Variants in PRKAR2A observed in about 807,000 individuals in gnomAD.
PRKAR2A encodes the protein cAMP-dependent protein kinase type II-alpha regulatory subunit.
A neutral mutation model predicts 51.9 loss-of-function variants in PRKAR2A; 29 were observed. The observed-to-expected ratio is 0.56, with a 90% CI of 0.42 to 0.76. The LOEUF (loss-of-function observed/expected upper bound fraction) is 0.76. PRKAR2A is among the 30% of genes least tolerant of loss of function. The probability of loss-of-function intolerance (pLI) is 0.00; values close to 1 mark genes in which losing one functional copy is unlikely to be tolerated. For missense variants in PRKAR2A, 445 were observed against 512.1 expected, an observed-to-expected ratio of 0.87 and a Z score of 1.26; for synonymous variants, 178 against 186.2, an observed-to-expected ratio of 0.96 and a Z score of 0.36.
At chr3:48,817,403 G>C (rs555219451) in intron 1 of PRKAR2A, among the ~76,000 whole-genome samples, 11 of 151,798 alleles carry the variant, frequency 7.2e-5, no homozygotes, top group African/African-American at 2.7e-4. Flanking sequence ...TGTAATCCCA[G>C]CACTTTGGGA....
chr3:48,826,157 T>C (rs754010372), intron 1 of PRKAR2A, among the ~76,000 whole-genome samples: 1 of 152,012 alleles, frequency 6.6e-6, no homozygotes, highest in Non-Finnish European at 1.5e-5. Flanking sequence ...TTCTAGCTAC[T>C]AGGGAGGCTG....
chr3:48,793,319 A>G (rs1344906631), intron 3 of PRKAR2A, among the ~76,000 whole-genome samples: 1 of 151,810 alleles, frequency 6.6e-6, no homozygotes, highest in Non-Finnish European at 1.5e-5. Flanking sequence ...TTATAATACT[A>G]TGATAAACTC....
intron 6 of PRKAR2A, among the ~76,000 whole-genome samples, chr3:48,766,664 T>A (rs1248139884): frequency 1.3e-5 from 2 of 152,134 alleles, no homozygotes; most frequent in Non-Finnish European, 2.9e-5. Flanking sequence ...AAGTGCCACA[T>A]AAATTTCAAG....
intron 1 of PRKAR2A, among the ~76,000 whole-genome samples, chr3:48,834,477 G>A (rs1036158494): frequency 4.6e-5 from 7 of 152,168 alleles, no homozygotes; most frequent in African/African-American, 1.7e-4. Context: ...GTTCATGACT[G>A]TAATCCCAAC....
chr3:48,785,308 C>T (rs1247349131), intron 4 of PRKAR2A, among the ~76,000 whole-genome samples: 2 of 150,060 alleles, frequency 1.3e-5, no homozygotes, highest in African/African-American at 2.5e-5. Flanking sequence ...TCGGCCAGGC[C>T]GGTGTGCAGT....
chr3:48,764,644 G>C (rs927885739), intron 8 of PRKAR2A, among the ~76,000 whole-genome samples: 1 of 151,298 alleles, frequency 6.6e-6, no homozygotes, highest in Non-Finnish European at 1.5e-5. Context: ...GTTTTTTTTT[G>C]AAATGGAGTC....
At chr3:48,767,286 C>T (rs1224918064) in intron 6 of PRKAR2A, among the ~76,000 whole-genome samples, 1 of 151,784 alleles carries the variant, frequency 6.6e-6, no homozygotes, top group African/African-American at 2.4e-5. Context: ...CAAGACCAGC[C>T]TGGCCAATAT....
At chr3:48,775,432 T>C (rs1172593833) in intron 5 of PRKAR2A, among the ~76,000 whole-genome samples, 1 of 150,908 alleles carries the variant, frequency 6.6e-6, no homozygotes, top group Non-Finnish European at 1.5e-5. Context: ...AACGAGGCTC[T>C]GTCTCAAAAC....
At chr3:48,754,850 G>C (rs1344229524) in intron 9 of PRKAR2A, among the ~76,000 whole-genome samples, 1 of 151,262 alleles carries the variant, frequency 6.6e-6, no homozygotes, top group Non-Finnish European at 1.5e-5. Context: ...TAGGGGGTTG[G>C]AGGTTGCAGT....
At chr3:48,786,228 G>T (rs1356862117) in intron 4 of PRKAR2A, among the ~76,000 whole-genome samples, 1 of 149,668 alleles carries the variant, frequency 6.7e-6, no homozygotes, top group Admixed American at 6.7e-5. Flanking sequence ...AGGTTCAAGT[G>T]ATTCTCCTGC....
At chr3:48,788,332 T>G (rs890379896) in intron 4 of PRKAR2A, among the ~76,000 whole-genome samples, 3 of 152,036 alleles carry the variant, frequency 2.0e-5, no homozygotes, top group African/African-American at 7.2e-5. Flanking sequence ...CCCTGCCAAA[T>G]TTTGTATTTT....
At chr3:48,838,720 T>C (rs959851912) in intron 1 of PRKAR2A, among the ~76,000 whole-genome samples, 29 of 152,210 alleles carry the variant, frequency 1.9e-4, no homozygotes, top group African/African-American at 6.5e-4. Context: ...GGCTCATGCC[T>C]GTAATCTCAG....
intron 9 of PRKAR2A, among the ~76,000 whole-genome samples, chr3:48,755,714 C>A (rs997675167): frequency 4.7e-5 from 7 of 150,082 alleles, no homozygotes; most frequent in African/African-American, 1.7e-4. Context: ...CTCAAGAGAT[C>A]CTCTTGCCTA....
chr3:48,822,722 T>A (rs1216875701), intron 1 of PRKAR2A, among the ~76,000 whole-genome samples: 1 of 150,946 alleles, frequency 6.6e-6, no homozygotes, highest in Non-Finnish European at 1.5e-5. Flanking sequence ...CCCCAGGATG[T>A]TGTTTTTTTT....
rs1410192392 is a variant in PRKAR2A at position 48,751,254 on chromosome 3, A to G, written c.*331T>C. The stretch of plus-strand genomic sequence containing the variant: ...AGCAAGAGTAGCAGCAAGAGAGGAA[A>G]GGAGCATGTTTATACTTTGGACTTT... On this transcript the variant is annotated 3_prime_UTR_variant, in exon 11 of 11. Transcript: ENST00000265563. 1.0e-5 allele frequency: 5 copies of G among 493,152 alleles called. No homozygotes were observed. Among genetic ancestry groups the G allele is most frequent in the Non-Finnish European group, 2.0e-5 (5 of 251,542 alleles). The allele number at this position is 493,152 out of a possible 1,614,324, so 30.5% of individuals were successfully genotyped here. A position where few individuals can be genotyped will look rare whatever the true frequency, so the allele number is the denominator to read the frequency against.
At chr3:48,836,249 C>T (rs1194518597) in intron 1 of PRKAR2A, among the ~76,000 whole-genome samples, 1 of 151,204 alleles carries the variant, frequency 6.6e-6, no homozygotes, top group Admixed American at 6.6e-5. Context: ...GAAACCCCGT[C>T]TCTACCAAAA....
chr3:48,779,828 T>A (rs868821251), intron 5 of PRKAR2A, among the ~76,000 whole-genome samples: 35 of 130,452 alleles, frequency 2.7e-4, no homozygotes, highest in African/African-American at 8.3e-4. Context: ...AATAAATAAA[T>A]AAAATATATA....
downstream of PRKAR2A, among the ~76,000 whole-genome samples, chr3:48,746,155 C>T (rs2081559062): frequency 6.6e-6 from 1 of 152,070 alleles, no homozygotes; most frequent in South Asian, 2.1e-4. Flanking sequence ...CTACAGCTAG[C>T]CAATTCACCC....
In PRKAR2A at chr3:48,839,201, T is replaced by C. The variant is rs908330877; in HGVS notation, c.262+8134A>G. 3.9e-5 allele frequency among the ~76,000 whole-genome samples: 6 copies of C among 151,918 alleles called. 1 individual carries two copies. The highest frequency in any genetic ancestry group is 2.6e-4 in the Admixed American group (4 of 15,246). On this transcript the variant is annotated intron_variant, in intron 1 of 10. Transcript: ENST00000265563. ...TACTCGGGAGGCTGGGGCAGGAGAATTGCTTCAACCCGGGAGGCAGAGGTT... is the reference window on the plus strand; with the variant it reads ...TACTCGGGAGGCTGGGGCAGGAGAACTGCTTCAACCCGGGAGGCAGAGGTT...
Sources: allele counts gnomAD v4.1 joint callset (sites outside exome capture counted in the v4.1 genomes callset), GRCh38; gene constraint gnomAD v4.1.1; transcripts MANE v1.5; gene names NCBI Gene and HGNC (gene_info 2026-07-23, HGNC 2026-07-21).